PXDNL: variants seen among roughly 807,000 people sequenced by gnomAD.
The protein encoded by PXDNL is probable oxidoreductase PXDNL.
In PXDNL, 145 loss-of-function variants were observed where a neutral mutation model predicts 150.8. The observed-to-expected ratio is 0.96, with a 90% CI of 0.84 to 1.10. The LOEUF is 1.10. PXDNL is among the 50% of genes least tolerant of loss of function. PXDNL has a pLI of 0.00. For missense variants in PXDNL, 2,087 were observed against 1,873.9 expected (o/e 1.11, Z -2.10); for synonymous variants, 757 against 725.7 (o/e 1.04, Z -0.69).
chr8:51,650,083 CAGAG>C (rs1158086279), intron 2 of PXDNL, among the ~76,000 whole-genome samples: 3 of 107,730 alleles, frequency 2.8e-5, no homozygotes, highest in East Asian at 5.4e-4. Context: ...GCCTCAACAA[CAGAG>C]AGAGACTTTG....
intron 1 of PXDNL, among the ~76,000 whole-genome samples, chr8:51,658,051 A>C (rs1815188960): frequency 1.3e-5 from 2 of 152,118 alleles, no homozygotes; most frequent in South Asian, 4.1e-4. Context: ...TGAGAAGCAG[A>C]GTGTGGGCTG....
rs113664221 is a variant in PXDNL, at chr8:51,332,056, AG to A, written c.4146+7567del. 7.0e-3 allele frequency among the ~76,000 whole-genome samples: 1,071 copies of A among 152,280 alleles called. 11 individuals are homozygous for A. The highest frequency in any genetic ancestry group is 0.024 in the African/African-American group (1,014 of 41,550). On this transcript the variant is annotated intron_variant, in intron 21 of 22. Transcript: ENST00000356297. ...ATAGAACATTAAACCACCCAAGCTA[AG>A]AAACGTCATGGAATCCACTTCACCC...
At chr8:51,461,782 G>C (rs1324310103) in intron 8 of PXDNL, among the ~76,000 whole-genome samples, 1 of 152,164 alleles carries the variant, frequency 6.6e-6, no homozygotes, top group Admixed American at 6.5e-5. Context: ...ATTGGAGGAG[G>C]GTCTTCCAAG....
chr8:51,735,783 T>A (rs1817026250), intron 1 of PXDNL, among the ~76,000 whole-genome samples: 2 of 151,614 alleles, frequency 1.3e-5, no homozygotes, highest in African/African-American at 4.8e-5. Context: ...CCTGACCTCG[T>A]GATCCGCCCG....
At chr8:51,697,562 G>A (rs1816174821) in intron 1 of PXDNL, among the ~76,000 whole-genome samples, 1 of 152,112 alleles carries the variant, frequency 6.6e-6, no homozygotes, top group Non-Finnish European at 1.5e-5. Flanking sequence ...ACATCTTGGA[G>A]AGTATCTGAG....
chr8:51,571,087 CT>C (rs67843416), intron 3 of PXDNL, among the ~76,000 whole-genome samples: 13 of 149,232 alleles, frequency 8.7e-5, no homozygotes, highest in African/African-American at 2.0e-4. Context: ...TATATCAGTT[CT>C]TTTTTTTTGA....
chr8:51,778,304 A>C (rs2037376365), intron 1 of PXDNL, among the ~76,000 whole-genome samples: 1 of 152,032 alleles, frequency 6.6e-6, no homozygotes, highest in African/African-American at 2.4e-5. Flanking sequence ...TAAATTAATA[A>C]ATAAACAAAA....
intron 1 of PXDNL, among the ~76,000 whole-genome samples, chr8:51,796,129 A>C (rs1365489465): frequency 6.6e-6 from 1 of 152,166 alleles, no homozygotes; most frequent in Non-Finnish European, 1.5e-5. Context: ...AACTATCTTT[A>C]ATATTTTTCC....
chr8:51,381,193 G>GCCTT (rs1304876977), intron 17 of PXDNL, among the ~76,000 whole-genome samples: 11 of 152,090 alleles, frequency 7.2e-5, no homozygotes, highest in Non-Finnish European at 1.5e-4. Flanking sequence ...GACTCCATGG[G>GCCTT]CCTTTGGAAC....
At chr8:51,472,355 C>A in intron 7 of PXDNL, 51 bp from the exon 8 acceptor site, 1 of 1,374,006 alleles carries the variant, frequency 7.3e-7, no homozygotes. Context: ...AAATTATGGC[C>A]TTCCAAGATG....
At chr8:51,802,966 T>C (rs934884150) in intron 1 of PXDNL, among the ~76,000 whole-genome samples, 7 of 152,246 alleles carry the variant, frequency 4.6e-5, no homozygotes, top group Admixed American at 4.6e-4. Flanking sequence ...ACATTATTTG[T>C]GAAAGATGTC....
intron 12 of PXDNL, among the ~76,000 whole-genome samples, chr8:51,431,507 T>C (rs1018669959): frequency 6.6e-6 from 1 of 152,244 alleles, no homozygotes; most frequent in Admixed American, 6.5e-5. Flanking sequence ...CCAGTCTTTA[T>C]TGAATGCACC....
At chr8:51,747,248 C>T (rs1282503211) in intron 1 of PXDNL, among the ~76,000 whole-genome samples, 5 of 152,220 alleles carry the variant, frequency 3.3e-5, no homozygotes, top group Non-Finnish European at 7.3e-5. Flanking sequence ...CACAGACACA[C>T]ACACCATGCA....
chr8:51,333,132 C>G (rs1805736850), intron 21 of PXDNL, among the ~76,000 whole-genome samples: 1 of 152,206 alleles, frequency 6.6e-6, no homozygotes, highest in Admixed American at 6.5e-5. Flanking sequence ...AGATTAACAG[C>G]AGACTTCTCA....
At chr8:51,764,243 T>C (rs2037200310) in intron 1 of PXDNL, among the ~76,000 whole-genome samples, 1 of 152,076 alleles carries the variant, frequency 6.6e-6, no homozygotes, top group African/African-American at 2.4e-5. Flanking sequence ...TTTTTGACCT[T>C]TTTAAAGAGC....
chr8:51,669,143 T>C (rs1399439284), intron 1 of PXDNL, among the ~76,000 whole-genome samples: 1 of 152,222 alleles, frequency 6.6e-6, no homozygotes, highest in African/African-American at 2.4e-5. Flanking sequence ...AAAACAATTA[T>C]TTCAACATTA....
At chr8:51,426,869 T>C (rs748656415) in intron 12 of PXDNL, 111 bp from the exon 13 acceptor site, 54 of 618,290 alleles carry the variant, frequency 8.7e-5, no homozygotes, top group Non-Finnish European at 1.2e-4. Flanking sequence ...AGCACACTAG[T>C]TTTTTAAAAA....
intron 5 of PXDNL, among the ~76,000 whole-genome samples, chr8:51,496,354 C>T (rs1275683001): frequency 4.6e-5 from 7 of 152,166 alleles, no homozygotes; most frequent in African/African-American, 1.7e-4. Context: ...GAAGCATTCC[C>T]TTTGAAAATG....
chr8:51,457,497 C>T lies in PXDNL; in HGVS notation c.982+1G>A. Reference sequence around the variant, plus strand: ...ATAGAACTAGAAAATAATAGTTTTACCTGGAAGACTGGAGTATCTGAGCAT... The same window carrying T: ...ATAGAACTAGAAAATAATAGTTTTATCTGGAAGACTGGAGTATCTGAGCAT... On this transcript the variant is annotated splice_donor_variant, in intron 9 of 22. Coordinates refer to ENST00000356297, the MANE Select transcript of PXDNL (RefSeq NM_144651.5). LOFTEE classifies it high-confidence loss of function. 1 of 1,603,198 alleles carries T rather than the reference C, an allele frequency of 6.2e-7. No individual in the cohort carries two copies. Among genetic ancestry groups the T allele is most frequent in the South Asian group, 1.1e-5 (1 of 88,642 alleles).
Sources: allele counts gnomAD v4.1 joint callset (sites outside exome capture counted in the v4.1 genomes callset), GRCh38; gene constraint gnomAD v4.1.1; transcripts MANE v1.5; gene names NCBI Gene and HGNC (gene_info 2026-07-23, HGNC 2026-07-21).